PCDHGB7: variants seen among roughly 807,000 people sequenced by gnomAD.
The protein encoded by PCDHGB7 is protocadherin gamma subfamily B, 7.
Under a neutral mutation model 61.4 loss-of-function variants are expected in PCDHGB7, and 37 were observed. The observed-to-expected ratio is 0.60, with a 90% CI of 0.46 to 0.79. PCDHGB7 has a LOEUF of 0.79. Ranked by LOEUF, PCDHGB7 falls within the 30% of genes least tolerant of loss-of-function variation. The pLI, the probability that PCDHGB7 is intolerant of heterozygous loss-of-function variation, is 0.00. For synonymous variants in PCDHGB7, 464 were observed against 503.5 expected, an observed-to-expected ratio of 0.92 and a Z score of 1.05; for missense variants, 1,166 against 1,202.5, an observed-to-expected ratio of 0.97 and a Z score of 0.45.
intron 1 of PCDHGB7, among the ~76,000 whole-genome samples, chr5:141,452,094 G>A (rs760924457): frequency 6.6e-6 from 1 of 152,162 alleles, no homozygotes; most frequent in South Asian, 2.1e-4. Context: ...CAGTAAGAAA[G>A]AGCTTTCTTT....
At position 141,419,116 on chromosome 5, in the gene PCDHGB7, C is replaced by A; in HGVS notation, c.1257C>A (p.Asn419Lys). 2 of 1,613,888 alleles carry A rather than the reference C, an allele frequency of 1.2e-6. No individual in the cohort carries two copies. The change falls in exon 1 of 4, where the codon AAC becomes AAA. Residue 419 changes from asparagine (N) to lysine (K), a missense_variant. Asn to Lys is a moderately conservative substitution (Grantham distance 94). Coordinates refer to ENST00000398594, the MANE Select transcript of PCDHGB7 (RefSeq NM_018927.4). ...ALDREQTPEY[N>K]VTIAATDRGK... ...ATCGGGAGCAGACCCCAGAGTACAACGTCACCATCGCAGCCACAGACAGGG... is the reference window on the plus strand; with the variant it reads ...ATCGGGAGCAGACCCCAGAGTACAAAGTCACCATCGCAGCCACAGACAGGG...
chr5:141,428,443 G>T (rs1004000862), intron 1 of PCDHGB7: 5 of 383,870 alleles, frequency 1.3e-5, no homozygotes, highest in Non-Finnish European at 2.0e-5. Context: ...TAGACCAGGG[G>T]TTTTTCCCAA....
At position 141,490,785 on chromosome 5, in the gene PCDHGB7, G is replaced by A. The variant is rs1021708826; in HGVS notation, c.2416-4022G>A. 1.2e-6 allele frequency: 2 copies of A among 1,614,066 alleles called. No individual in the cohort carries two copies. Among genetic ancestry groups the A allele is most frequent in the Non-Finnish European group, 1.7e-6 (2 of 1,179,952 alleles). On this transcript the variant is annotated intron_variant, in intron 1 of 3. Coordinates refer to ENST00000398594, the MANE Select transcript of PCDHGB7 (RefSeq NM_018927.4). The surrounding 1 kb of genome is among the most constrained non-coding windows in gnomAD (Gnocchi z 5.4). ...TGTATGTCAACCCAGAGGATGGACG[G>A]ATCTTTGCCCAGCGTACCTTTGACT...
intron 1 of PCDHGB7, chr5:141,424,481 G>A (rs1397559058): frequency 6.6e-6 from 1 of 152,056 alleles, no homozygotes; most frequent in Non-Finnish European, 1.5e-5. Flanking sequence ...TTACTTTGGT[G>A]TCTGTGTTTG....
Position 141,509,375 on chromosome 5 carries a change from T to C in PCDHGB7, c.2564-1572T>C, listed in dbSNP as rs1450730489. Among the ~76,000 whole-genome samples, 6 of 152,168 alleles carry C rather than the reference T, an allele frequency of 3.9e-5. No homozygotes were observed. In the East Asian group the frequency reaches 1.2e-3, roughly 29 times the overall value. On this transcript the variant is annotated intron_variant, in intron 3 of 3. Coordinates refer to ENST00000398594, the MANE Select transcript of PCDHGB7 (RefSeq NM_018927.4). ...GGGCATCCCTGAGGTTTTAACTGTC[T>C]CCTAACCACAGAGGATCTCAGGGCC...
In PCDHGB7 at chr5:141,431,048, A is replaced by G; in HGVS notation, c.2415+10774A>G. The G allele has an allele frequency of 6.2e-7, 1 of 1,614,180 alleles. No homozygotes were observed. Among genetic ancestry groups the G allele is most frequent in the Non-Finnish European group, 8.5e-7 (1 of 1,180,018 alleles). The stretch of plus-strand genomic sequence containing the variant: ...CAGGATAGACCGGGAGGAGCTCTGT[A>G]TGGGGGCCATCAAGTGTCAATTAAA... On this transcript the variant is annotated intron_variant, in intron 1 of 3. Coordinates refer to ENST00000398594, the MANE Select transcript of PCDHGB7 (RefSeq NM_018927.4). This position sits in a 1 kb window ranked among gnomAD's most constrained non-coding sequence, Gnocchi z 4.8.
chr5:141,509,602 C>T (rs921950654), intron 3 of PCDHGB7, among the ~76,000 whole-genome samples: 8 of 152,194 alleles, frequency 5.3e-5, no homozygotes, highest in Non-Finnish European at 8.8e-5. Context: ...TTCCGAGAGG[C>T]TGCATTCTAA....
chr5:141,487,013 C>T lies in PCDHGB7; in HGVS notation c.2416-7794C>T. ...GGTTTCCTATCAGCTCCTGGAGGCC[C>T]CAGATCCCAGCCTGTTTGCAGTCTC... On this transcript the variant is annotated intron_variant, in intron 1 of 3. Coordinates refer to ENST00000398594, the MANE Select transcript of PCDHGB7 (RefSeq NM_018927.4). The surrounding 1 kb of genome is among the most constrained non-coding windows in gnomAD (Gnocchi z 5.0). The T allele has an allele frequency of 1.2e-6, 2 of 1,614,220 alleles. No individual in the cohort carries two copies. Among genetic ancestry groups the T allele is most frequent in the Non-Finnish European group, 1.7e-6 (2 of 1,180,040 alleles).
In PCDHGB7 at chr5:141,499,676, C is replaced by G. The variant is rs534287777; in HGVS notation, c.2474+4811C>G. On this transcript the variant is annotated intron_variant, in intron 2 of 3. Coordinates refer to ENST00000398594, the MANE Select transcript of PCDHGB7 (RefSeq NM_018927.4). Reference sequence around the variant, plus strand: ...ATAATTTCATCTTGGTCTCCACCATCTTTAACAGATGACTTTTTTTTTTTT... The same window carrying G: ...ATAATTTCATCTTGGTCTCCACCATGTTTAACAGATGACTTTTTTTTTTTT... Among the ~76,000 whole-genome samples, 13 of 144,474 alleles carry G rather than the reference C, an allele frequency of 9.0e-5. No homozygotes were observed. In the South Asian group the frequency reaches 2.9e-3, roughly 33 times the overall value. The allele number at this position is 144,474 out of a possible 152,430, so 94.8% of individuals were successfully genotyped here.
At chr5:141,450,679 G>A (rs2098690217) in intron 1 of PCDHGB7, among the ~76,000 whole-genome samples, 2 of 151,914 alleles carry the variant, frequency 1.3e-5, no homozygotes, top group Non-Finnish European at 2.9e-5. Context: ...TAGAAACGGG[G>A]TTTTGCCATG....
chr5:141,483,756 G>C (rs11739909), intron 1 of PCDHGB7, among the ~76,000 whole-genome samples: 24,641 of 152,020 alleles, frequency 0.16, 2,128 homozygotes, highest in African/African-American at 0.22. Context: ...GAGGATCGAG[G>C]CTTGGAAAAA....
chr5:141,486,832 A>G lies in PCDHGB7; in HGVS notation c.2416-7975A>G. 2.5e-6 allele frequency: 4 copies of G among 1,614,182 alleles called. No individual in the cohort carries two copies. Among genetic ancestry groups the G allele is most frequent in the South Asian group, 1.1e-5 (1 of 91,082 alleles). ...TTAGCAGCACTGTAACAGTTCGTCT[A>G]TTTGTGCTGGACCTCAATGACAATG... On this transcript the variant is annotated intron_variant, in intron 1 of 3. Transcript: ENST00000398594. The surrounding 1 kb of genome is among the most constrained non-coding windows in gnomAD (Gnocchi z 5.0).
At position 141,432,818 on chromosome 5, in the gene PCDHGB7, T is replaced by C. The variant is rs370597280; in HGVS notation, c.2415+12544T>C. On this transcript the variant is annotated intron_variant, in intron 1 of 3. Transcript: ENST00000398594. This position sits in a 1 kb window ranked among gnomAD's most constrained non-coding sequence, Gnocchi z 6.0. The stretch of plus-strand genomic sequence containing the variant: ...CGAGTCTCCAGCTAACTCTGAAACC[T>C]CAGACCTCACTCTGTACCTGGTGGT... 9.9e-6 allele frequency: 16 copies of C among 1,614,106 alleles called. No individual in the cohort carries two copies. The highest frequency in any genetic ancestry group is 1.4e-5 in the Non-Finnish European group (16 of 1,179,986).
intron 1 of PCDHGB7, chr5:141,427,571 G>T (rs1199845374): frequency 9.1e-6 from 6 of 662,944 alleles, no homozygotes; most frequent in Non-Finnish European, 1.7e-5. Context: ...GCAAGCCTCC[G>T]CTCTCATCCA....
chr5:141,454,172 C>T (rs1001368287), intron 1 of PCDHGB7, among the ~76,000 whole-genome samples: 4 of 152,126 alleles, frequency 2.6e-5, no homozygotes, highest in Non-Finnish European at 5.9e-5. Context: ...TCTAGAAGGG[C>T]AGCTAAAGGA....
rs765952024 is a variant in PCDHGB7 at position 141,418,429 on chromosome 5, A to T, written c.570A>T (p.Lys190Asn). Residue 190 changes from lysine to asparagine, a missense_variant, in exon 1 of 4, where the codon AAA becomes AAT. Lys to Asn is a moderately conservative substitution (Grantham distance 94). Transcript: ENST00000398594. The part of the protein sequence containing the change: ...LVEKDNPDGG[K>N]YPELVLQKTL... ...AGAAAGACAATCCTGATGGTGGCAA[A>T]TATCCAGAATTAGTATTGCAGAAGA... 2 of 1,613,854 alleles carry T rather than the reference A, an allele frequency of 1.2e-6. No homozygotes were observed. Among genetic ancestry groups the T allele is most frequent in the African/African-American group, 2.7e-5 (2 of 74,926 alleles).
In PCDHGB7 at chr5:141,481,831, G is replaced by A. The variant is rs35816779; in HGVS notation, c.2416-12976G>A. On this transcript the variant is annotated intron_variant, in intron 1 of 3. Coordinates refer to ENST00000398594, the MANE Select transcript of PCDHGB7 (RefSeq NM_018927.4). ...ACCAGGCGTGGTGGCTGAGGCAGGAGAATCGCTTGATGGTGGAGGTTGCAG... is the reference window on the plus strand; with the variant it reads ...ACCAGGCGTGGTGGCTGAGGCAGGAAAATCGCTTGATGGTGGAGGTTGCAG... Among the ~76,000 whole-genome samples the A allele has an allele frequency of 1.9e-3, 280 of 149,560 alleles. 1 individual carries two copies. The highest frequency in any genetic ancestry group is 0.01 in the Middle Eastern group (3 of 290).
chr5:141,452,378 T>C (rs1227738942), intron 1 of PCDHGB7, among the ~76,000 whole-genome samples: 1 of 152,226 alleles, frequency 6.6e-6, no homozygotes, highest in African/African-American at 2.4e-5. Context: ...TAGTAGGGAA[T>C]AGTATTTAGA....
In PCDHGB7 at chr5:141,477,625, C is replaced by T; in HGVS notation, c.2416-17182C>T. ...TTCTCTTGGAGCAAGGAGCTGAAACCGGGCTAGTGGGTCGCTATTTCACAA... is the reference window on the plus strand; with the variant it reads ...TTCTCTTGGAGCAAGGAGCTGAAACTGGGCTAGTGGGTCGCTATTTCACAA... On this transcript the variant is annotated intron_variant, in intron 1 of 3. Coordinates refer to ENST00000398594, the MANE Select transcript of PCDHGB7 (RefSeq NM_018927.4). This position sits in a 1 kb window ranked among gnomAD's most constrained non-coding sequence, Gnocchi z 4.9. The T allele has an allele frequency of 1.2e-6, 2 of 1,614,200 alleles. No homozygotes were observed. Among genetic ancestry groups the T allele is most frequent in the Non-Finnish European group, 1.7e-6 (2 of 1,180,046 alleles).
Sources: gnomAD v4.1 joint callset for allele counts (sites outside exome capture counted in the v4.1 genomes callset) on GRCh38, gnomAD v4.1.1 for gene constraint, Gnocchi (gnomAD v3.1) non-coding constraint, MANE v1.5 for transcripts, NCBI Gene and HGNC (gene_info 2026-07-23, HGNC 2026-07-21) for gene names.